Variants in KATNBL1 observed in about 807,000 individuals in gnomAD.
KATNBL1 encodes KATNB1-like protein 1.
A neutral mutation model predicts 44.7 loss-of-function variants in KATNBL1; 28 were observed. That is an observed-to-expected ratio of 0.63 (90% CI 0.46 to 0.86). The LOEUF is 0.86. Ranked by LOEUF, KATNBL1 falls within the 40% of genes least tolerant of loss-of-function variation. The probability of loss-of-function intolerance (pLI) is 0.00; values close to 1 mark genes in which losing one functional copy is unlikely to be tolerated. For synonymous variants in KATNBL1, 78 were observed against 114.9 expected (o/e 0.68, Z 2.06); for missense variants, 272 against 350.7 (o/e 0.78, Z 1.79).
intron 1 of KATNBL1, among the ~76,000 whole-genome samples, chr15:34,199,030 A>G (rs1049608825): frequency 9.9e-5 from 15 of 152,184 alleles, no homozygotes; most frequent in African/African-American, 3.4e-4. Context: ...AAAAAGAACA[A>G]AGAGAAATAG....
At chr15:34,145,016 G>A (rs976141900) in intron 9 of KATNBL1, 2 of 939,196 alleles carry the variant, frequency 2.1e-6, no homozygotes, top group African/African-American at 3.5e-5. Context: ...ATTAGCAAAA[G>A]TAAAACTTAA....
intron 1 of KATNBL1, among the ~76,000 whole-genome samples, chr15:34,200,758 C>A (rs1198261000): frequency 6.6e-6 from 1 of 152,176 alleles, no homozygotes; most frequent in Non-Finnish European, 1.5e-5. Flanking sequence ...ATAAAAATTA[C>A]AAAAGAGATG....
intron 1 of KATNBL1, among the ~76,000 whole-genome samples, chr15:34,188,408 T>C (rs1267477822): frequency 1.3e-5 from 2 of 151,230 alleles, no homozygotes; most frequent in Non-Finnish European, 3.0e-5. Context: ...ATACAAAAAT[T>C]AGCCAGGCAT....
chr15:34,176,165 A>G (rs1025483729), intron 1 of KATNBL1, among the ~76,000 whole-genome samples: 5 of 152,106 alleles, frequency 3.3e-5, no homozygotes, highest in African/African-American at 1.2e-4. Context: ...ACCTGAGGTC[A>G]GGAGTTCGAA....
chr15:34,166,089 C>G (rs1597439309), intron 1 of KATNBL1: 1 of 152,426 alleles, frequency 6.6e-6, no homozygotes, highest in Non-Finnish European at 1.5e-5. Flanking sequence ...ACTGGCTGGA[C>G]AGTGGATGCA....
intron 9 of KATNBL1, chr15:34,142,998 C>G: frequency 8.4e-7 from 1 of 1,184,208 alleles, no homozygotes; most frequent in African/African-American, 1.6e-5. Flanking sequence ...GCATGAGCCA[C>G]CTTGCCCGGC....
intron 1 of KATNBL1, 107 bp downstream of exon 1, chr15:34,209,844 C>CG (rs202170624): frequency 0.096 from 14,507 of 150,672 alleles, 930 homozygotes; most frequent in South Asian, 0.16. Flanking sequence ...GAGGCCGCCG[C>CG]GGGGCCTGCA....
intron 1 of KATNBL1, among the ~76,000 whole-genome samples, chr15:34,197,607 T>C (rs1421678620): frequency 2.6e-5 from 4 of 152,246 alleles, no homozygotes; most frequent in Admixed American, 6.5e-5. Context: ...AATGAAAGGA[T>C]AAGGGTTATT....
At chr15:34,195,690 C>CAAAAAAAAAAAAAA (rs5811824) in intron 1 of KATNBL1, among the ~76,000 whole-genome samples, 3 of 111,440 alleles carry the variant, frequency 2.7e-5, no homozygotes, top group African/African-American at 1.1e-4. Context: ...GACGCCATCT[C>CAAAAAAAAAAAAAA]AAAAAAAAAA....
intron 1 of KATNBL1, among the ~76,000 whole-genome samples, chr15:34,169,160 T>C (rs1029873349): frequency 2.0e-5 from 3 of 152,174 alleles, no homozygotes; most frequent in African/African-American, 7.2e-5. Flanking sequence ...AGCTGGTTTT[T>C]TGAAAAGATC....
chr15:34,198,044 C>T (rs1253657451), intron 1 of KATNBL1, among the ~76,000 whole-genome samples: 2 of 152,124 alleles, frequency 1.3e-5, no homozygotes, highest in Non-Finnish European at 2.9e-5. Context: ...TGTGAGCCAC[C>T]GCACCCAGCC....
At position 34,191,154 on chromosome 15, in the gene KATNBL1, C is replaced by CATATATATATATATATATATAT. The variant is rs57428240; in HGVS notation, c.-15+18775_-15+18796dup. ...CAAAAATTTCATATAAATCATAGAC[C>CATATATATATATATATATATAT]ATATATATATATATATATATATATA... On this transcript the variant is annotated intron_variant, in intron 1 of 9. Transcript: ENST00000256544. Among the ~76,000 whole-genome samples the CATATATATATATATATATATAT allele has an allele frequency of 2.1e-3, 283 of 136,036 alleles. 7 individuals are homozygous for CATATATATATATATATATATAT. The highest frequency in any genetic ancestry group is 3.0e-3 in the Non-Finnish European group (189 of 62,768). 89.2% of individuals were successfully genotyped at this position (136,036 alleles called of 152,430 possible). A position where few individuals can be genotyped will look rare whatever the true frequency, so the allele number is the denominator to read the frequency against.
At chr15:34,152,590 T>C (rs1888514843) in intron 4 of KATNBL1, among the ~76,000 whole-genome samples, 200 bp downstream of exon 4, 1 of 152,256 alleles carries the variant, frequency 6.6e-6, no homozygotes. Context: ...AAGCATTTCA[T>C]CCCATCTTAG....
rs139855384 is a variant in KATNBL1, at chr15:34,194,827, C to A, written c.-15+15124G>T. On this transcript the variant is annotated intron_variant, in intron 1 of 9. Transcript: ENST00000256544. ...CAAATAGACATTCTTCAAAAGAAGACAAATGGCCAAGAAGCATGTGAACAA... is the reference window on the plus strand; with the variant it reads ...CAAATAGACATTCTTCAAAAGAAGAAAAATGGCCAAGAAGCATGTGAACAA... Among the ~76,000 whole-genome samples the A allele has an allele frequency of 3.4e-3, 519 of 152,246 alleles. 10 individuals carry two copies. The highest frequency in any genetic ancestry group is 0.031 in the Admixed American group (469 of 15,284).
intron 1 of KATNBL1, among the ~76,000 whole-genome samples, chr15:34,164,581 G>A (rs1376747127): frequency 6.6e-6 from 1 of 151,778 alleles, no homozygotes; most frequent in Non-Finnish European, 1.5e-5. Context: ...GGTCTAAAGA[G>A]GGCATGTTGA....
At chr15:34,172,310 C>T (rs1889187760) in intron 1 of KATNBL1, among the ~76,000 whole-genome samples, 1 of 133,150 alleles carries the variant, frequency 7.5e-6, no homozygotes, top group Admixed American at 8.8e-5. Context: ...AGGCTGAAGT[C>T]CAGTGGCACG....
intron 1 of KATNBL1, among the ~76,000 whole-genome samples, chr15:34,180,875 C>G (rs1889497117): frequency 6.6e-6 from 1 of 152,026 alleles, no homozygotes; most frequent in Non-Finnish European, 1.5e-5. Flanking sequence ...CCAGCCTAGG[C>G]AACATAGTGA....
chr15:34,176,007 C>A (rs890241984), intron 1 of KATNBL1, among the ~76,000 whole-genome samples: 1 of 152,146 alleles, frequency 6.6e-6, no homozygotes, highest in African/African-American at 2.4e-5. Flanking sequence ...CAAAAAACAA[C>A]CCAAATGTCC....
rs148196360 is a variant in KATNBL1, at chr15:34,180,394, C to T, written c.-14-16704G>A. On this transcript the variant is annotated intron_variant, in intron 1 of 9. Transcript: ENST00000256544. The stretch of plus-strand genomic sequence containing the variant: ...ATTCTTCATCACCATTTAGCTCTTT[C>T]GTCACTTCAGGGCCCTTCCCTGACT... Among the ~76,000 whole-genome samples, 1,458 of 152,310 alleles carry T rather than the reference C, an allele frequency of 9.6e-3. 10 individuals carry two copies. Among genetic ancestry groups the T allele is most frequent in the Middle Eastern group, 0.041 (12 of 294 alleles).
Sources: allele counts gnomAD v4.1 joint callset (sites outside exome capture counted in the v4.1 genomes callset), GRCh38; gene constraint gnomAD v4.1.1; transcripts MANE v1.5; gene names NCBI Gene and HGNC (gene_info 2026-07-23, HGNC 2026-07-21).